The following DCDC1 variants were observed in gnomAD, a reference collection of about 807,000 sequenced individuals.
DCDC1 encodes the protein doublecortin domain containing 1.
A neutral mutation model predicts 178.3 loss-of-function variants in DCDC1; 200 were observed. The observed-to-expected ratio is 1.12, with a 90% CI of 1.00 to 1.26. The LOEUF (loss-of-function observed/expected upper bound fraction) is 1.26, where lower values mean the gene tolerates loss of function less well. DCDC1 is among the 50% of genes most tolerant of loss of function. The pLI is 0.00. For synonymous variants in DCDC1, 690 were observed against 604.8 expected (o/e 1.14, Z -2.07); for missense variants, 1,983 against 1,749.2 (o/e 1.13, Z -2.38).
intron 36 of DCDC1, among the ~76,000 whole-genome samples, chr11:30,885,741 T>C (rs1371929824): frequency 6.6e-6 from 1 of 152,148 alleles, no homozygotes; most frequent in Non-Finnish European, 1.5e-5. Context: ...TATCTACCTA[T>C]GGGAGCATAA....
At chr11:31,345,018 A>C (rs531096328) in intron 1 of DCDC1, among the ~76,000 whole-genome samples, 1 of 152,306 alleles carries the variant, frequency 6.6e-6, no homozygotes, top group Admixed American at 6.5e-5. Context: ...AAATTTTCTT[A>C]TGTTTGATAA....
chr11:31,355,064 A>G (rs1045193665), intron 1 of DCDC1, among the ~76,000 whole-genome samples: 2 of 152,166 alleles, frequency 1.3e-5, no homozygotes. Context: ...GGGAACAAGG[A>G]TGCACTTTGT....
chr11:31,089,707 G>T (rs1470547760), intron 17 of DCDC1, among the ~76,000 whole-genome samples: 2 of 146,560 alleles, frequency 1.4e-5, no homozygotes, highest in African/African-American at 2.5e-5. Context: ...CTTCCACATT[G>T]TCTAATCTGG....
chr11:31,157,004 T>C (rs1283003215), intron 9 of DCDC1, among the ~76,000 whole-genome samples: 1 of 152,188 alleles, frequency 6.6e-6, no homozygotes, highest in African/African-American at 2.4e-5. Flanking sequence ...ATGATATCCA[T>C]ATTTCCAAGC....
At chr11:31,309,142 TTG>T (rs56349731) in intron 3 of DCDC1, among the ~76,000 whole-genome samples, 113 of 147,952 alleles carry the variant, frequency 7.6e-4, no homozygotes, top group Middle Eastern at 3.4e-3. Context: ...AAATAGATGT[TTG>T]TGTGTGTGTG....
At chr11:30,890,201 G>C (rs1055571663) in intron 36 of DCDC1, among the ~76,000 whole-genome samples, 10 of 152,168 alleles carry the variant, frequency 6.6e-5, no homozygotes, top group African/African-American at 2.4e-4. Context: ...TTAACACTCA[G>C]TCTAGTATTT....
In DCDC1 at chr11:30,911,194, T is replaced by C. The variant is rs183849430; in HGVS notation, c.3747+133A>G. On this transcript the variant is annotated intron_variant, in intron 28 of 38. Coordinates refer to ENST00000684477, the MANE Select transcript of DCDC1 (RefSeq NM_001387274.1). ...TTCAATTTAAAATCTAGGCAGACTA[T>C]TGTAAATATTTTAACAACATTCAAA... 2.8e-4 allele frequency: 200 copies of C among 712,706 alleles called. 1 individual carries two copies. In the African/African-American group the frequency reaches 2.9e-3, roughly 10 times the overall value. The allele number at this position is 712,706 out of a possible 1,614,324, so 44.1% of individuals were successfully genotyped here.
chr11:31,126,316 A>G (rs1961610529), intron 11 of DCDC1, among the ~76,000 whole-genome samples: 1 of 152,224 alleles, frequency 6.6e-6, no homozygotes, highest in Admixed American at 6.5e-5. Flanking sequence ...CTGGAAAAGA[A>G]CAATGCTACT....
intron 36 of DCDC1, chr11:30,883,171 A>G (rs888038000): frequency 1.3e-5 from 2 of 153,500 alleles, no homozygotes; most frequent in African/African-American, 4.8e-5. Flanking sequence ...TATAGCTGCT[A>G]GTGAGAGAAG....
At position 31,318,858 on chromosome 11, in the gene DCDC1, T is replaced by G. The variant is rs530172558; in HGVS notation, c.164+9259A>C. The stretch of plus-strand genomic sequence containing the variant: ...GTCCCAGAGATTCTGGTATGTGGTG[T>G]CTTTGTTCTCGTTGGTTTCAAAGAA... On this transcript the variant is annotated intron_variant, in intron 3 of 38. Coordinates refer to ENST00000684477, the MANE Select transcript of DCDC1 (RefSeq NM_001387274.1). Among the ~76,000 whole-genome samples, 111 of 64,208 alleles carry G rather than the reference T, an allele frequency of 1.7e-3. 32 individuals are homozygous for G. The highest frequency in any genetic ancestry group is 2.6e-3 in the Non-Finnish European group (94 of 36,690). The allele number at this position is 64,208 out of a possible 152,430, so 42.1% of individuals were successfully genotyped here.
intron 38 of DCDC1, among the ~76,000 whole-genome samples, chr11:30,866,412 G>C (rs1362988594): frequency 6.6e-6 from 1 of 152,088 alleles, no homozygotes; most frequent in Non-Finnish European, 1.5e-5. Context: ...CCCACATAGT[G>C]GAAGAGGCAT....
chr11:31,052,910 G>A (rs1955350817), intron 20 of DCDC1, among the ~76,000 whole-genome samples: 1 of 151,730 alleles, frequency 6.6e-6, no homozygotes, highest in South Asian at 2.1e-4. Context: ...ACAATCTAAG[G>A]TCACACCTCA....
intron 10 of DCDC1, among the ~76,000 whole-genome samples, chr11:31,132,105 G>A (rs1962523322): frequency 6.6e-6 from 1 of 152,102 alleles, no homozygotes; most frequent in Non-Finnish European, 1.5e-5. Flanking sequence ...GTTAACATAT[G>A]TGAAACAAAA....
At chr11:31,272,093 C>T (rs1163348039) in intron 7 of DCDC1, among the ~76,000 whole-genome samples, 8 of 148,166 alleles carry the variant, frequency 5.4e-5, no homozygotes, top group Admixed American at 4.1e-4. Context: ...ACCCAGCAGG[C>T]GGAGGCTGCA....
intron 11 of DCDC1, among the ~76,000 whole-genome samples, chr11:31,126,463 T>C (rs531858605): frequency 3.3e-4 from 50 of 152,210 alleles, no homozygotes; most frequent in Non-Finnish European, 5.7e-4. Context: ...TACATTGTAA[T>C]GTTCTCACTC....
intron 8 of DCDC1, among the ~76,000 whole-genome samples, chr11:31,251,454 G>C (rs1023174430): frequency 3.9e-5 from 6 of 151,964 alleles, no homozygotes; most frequent in Admixed American, 1.3e-4. Flanking sequence ...AATCAAATGA[G>C]GGCCCGAATA....
intron 9 of DCDC1, among the ~76,000 whole-genome samples, chr11:31,187,512 A>C (rs551847573): frequency 1.4e-4 from 21 of 152,332 alleles, no homozygotes; most frequent in Middle Eastern, 3.4e-3. Context: ...AACAAACAAA[A>C]AAAAACTTAA....
At chr11:31,307,997 G>T in intron 3 of DCDC1, 89 bp from the exon 4 acceptor site, 6 of 1,517,638 alleles carry the variant, frequency 4.0e-6, no homozygotes, top group Non-Finnish European at 5.4e-6. Context: ...TGTGTGCTAT[G>T]TGCTACACAA....
chr11:31,106,235 A>T (rs924943834), intron 13 of DCDC1, among the ~76,000 whole-genome samples: 2 of 152,238 alleles, frequency 1.3e-5, no homozygotes, highest in Non-Finnish European at 2.9e-5. Flanking sequence ...TAACTTTGAT[A>T]GGATAGGGCT....
Sources: gnomAD v4.1 joint callset for allele counts (sites outside exome capture counted in the v4.1 genomes callset) on GRCh38, gnomAD v4.1.1 for gene constraint, MANE v1.5 for transcripts, NCBI Gene and HGNC (gene_info 2026-07-23, HGNC 2026-07-21) for gene names.